The following PCDHA13 variants were observed in gnomAD, a reference collection of about 807,000 sequenced individuals.
PCDHA13 encodes protocadherin alpha 13.
In PCDHA13, 54 loss-of-function variants were observed where a neutral mutation model predicts 64.8. That is an observed-to-expected ratio of 0.83 (90% CI 0.67 to 1.04). PCDHA13 has a LOEUF of 1.04. Among genes scored for constraint, PCDHA13 ranks in the 50% least tolerant of loss-of-function variants. The pLI is 0.00. For missense variants in PCDHA13, 1,248 were observed against 1,254.3 expected (o/e 0.99, Z 0.08); for synonymous variants, 587 against 564.4 (o/e 1.04, Z -0.57).
At chr5:140,888,843 G>T (rs2153425504) in intron 1 of PCDHA13, among the ~76,000 whole-genome samples, 1 of 152,082 alleles carries the variant, frequency 6.6e-6, no homozygotes, top group East Asian at 1.9e-4. Context: ...ACTGCAGCCT[G>T]GTGACAGAGT....
Position 140,883,630 on chromosome 5 carries a change from G to T in PCDHA13, c.1362G>T (p.Ala454=), listed in dbSNP as rs1424400219. ...CCGACGTGAACGACAACGCGCCGGCGTTCGCGCAGCCCGAGTACACGGTGT... is the reference window on the plus strand; with the variant it reads ...CCGACGTGAACGACAACGCGCCGGCTTTCGCGCAGCCCGAGTACACGGTGT... ...GVADVNDNAP[A]FAQPEYTVFV... The change falls in exon 1 of 4, where the codon GCG becomes GCT. Residue 454 remains alanine, a synonymous_variant. Transcript: ENST00000289272. The T allele has an allele frequency of 5.0e-6, 8 of 1,613,966 alleles. No homozygotes were observed. The highest frequency in any genetic ancestry group is 6.8e-6 in the Non-Finnish European group (8 of 1,179,900).
At chr5:140,993,434 AT>A (rs1243337816) in intron 3 of PCDHA13, among the ~76,000 whole-genome samples, 2 of 150,146 alleles carry the variant, frequency 1.3e-5, no homozygotes, top group Non-Finnish European at 3.0e-5. Flanking sequence ...TAAAATCCTT[AT>A]TCATTCCTGT....
At chr5:140,929,492 G>A in intron 1 of PCDHA13, 1 of 1,062,164 alleles carries the variant, frequency 9.4e-7, no homozygotes, top group Non-Finnish European at 1.3e-6. Context: ...AGTATTAGAA[G>A]ATTGCCCTAG....
At position 141,009,692 on chromosome 5, in the gene PCDHA13, A is replaced by G. The variant is rs2098413739; in HGVS notation, c.2608A>G (p.Lys870Glu). The G allele has an allele frequency of 6.2e-7, 1 of 1,613,856 alleles. No homozygotes were observed. Among genetic ancestry groups the G allele is most frequent in the African/African-American group, 1.3e-5 (1 of 74,858 alleles). The stretch of plus-strand genomic sequence containing the variant: ...TGTCAACAGCAACAGCTGGACCTTT[A>G]AATACGGACCAGGCAACCCCAAACA... The part of the protein sequence containing the change: ...AGVNSNSWTF[K>E]YGPGNPKQSG... Residue 870 changes from lysine to glutamate, a missense_variant, in exon 4 of 4, where the codon AAA (lysine) becomes GAA (glutamate). Physicochemically the swap from Lys to Glu is moderately conservative, Grantham distance 56. Transcript: ENST00000289272.
At chr5:141,001,261 CTT>C (rs1437571267) in intron 3 of PCDHA13, among the ~76,000 whole-genome samples, 1 of 152,062 alleles carries the variant, frequency 6.6e-6, no homozygotes, top group East Asian at 1.9e-4. Flanking sequence ...GGCGGGCACT[CTT>C]ATGAACTTTT....
chr5:140,924,785 C>G (rs2082005933), intron 1 of PCDHA13, among the ~76,000 whole-genome samples: 1 of 151,704 alleles, frequency 6.6e-6, no homozygotes, highest in African/African-American at 2.4e-5. Context: ...GTCCTAGCTA[C>G]TTAGGAGGCT....
At chr5:140,999,605 G>T (rs1587843541) in intron 3 of PCDHA13, among the ~76,000 whole-genome samples, 2 of 152,132 alleles carry the variant, frequency 1.3e-5, no homozygotes, top group Admixed American at 1.3e-4. Context: ...CATCCTGGGG[G>T]ACCTTATCAA....
chr5:140,968,094 A>G, intron 1 of PCDHA13: 1 of 1,614,138 alleles, frequency 6.2e-7, no homozygotes. Flanking sequence ...ACAGCCACAG[A>G]TGGGGGAATA....
rs376046205 is a variant in PCDHA13 at position 140,882,874 on chromosome 5, A to G, written c.606A>G (p.Arg202=). The G allele has an allele frequency of 1.9e-6, 3 of 1,614,108 alleles. No homozygotes were observed. Among genetic ancestry groups the G allele is most frequent in the Non-Finnish European group, 2.5e-6 (3 of 1,180,050 alleles). ...LSLVLRKTLD[R]EEIQEHSLLL... ...TTGTACTGAGGAAAACACTGGACAG[A>G]GAGGAAATTCAGGAACATAGTTTAT... is the stretch of plus-strand genomic sequence containing the variant. Residue 202 remains arginine, a synonymous_variant, in exon 1 of 4, where the codon AGA becomes AGG. Transcript: ENST00000289272.
chr5:140,889,400 A>T (rs187751360), intron 1 of PCDHA13, among the ~76,000 whole-genome samples: 1 of 152,050 alleles, frequency 6.6e-6, no homozygotes, highest in Admixed American at 6.5e-5. Context: ...AGTTTAATTT[A>T]CTCGAGTCAG....
chr5:140,915,960 G>A (rs1554197207), intron 1 of PCDHA13, among the ~76,000 whole-genome samples: 1 of 152,112 alleles, frequency 6.6e-6, no homozygotes, highest in Admixed American at 6.5e-5. Flanking sequence ...TTAGAAATTT[G>A]CCTGATATTT....
chr5:140,924,597 G>A lies in PCDHA13; in HGVS notation c.2394+39935G>A, dbSNP rs1278228526. ...ATGTTTTCAAATATTATAGAAATATGCAGGCTGATGCCAGGTGCGGTGGCA... is the reference window on the plus strand; with the variant it reads ...ATGTTTTCAAATATTATAGAAATATACAGGCTGATGCCAGGTGCGGTGGCA... On this transcript the variant is annotated intron_variant, in intron 1 of 3. Coordinates refer to ENST00000289272, the MANE Select transcript of PCDHA13 (RefSeq NM_018904.3). Among the ~76,000 whole-genome samples the A allele has an allele frequency of 2.6e-5, 4 of 152,078 alleles. No homozygotes were observed. The East Asian group carries it at 7.7e-4, about 29-fold the overall frequency.
At chr5:141,005,809 C>T (rs1554260384) in intron 3 of PCDHA13, among the ~76,000 whole-genome samples, 1 of 150,480 alleles carries the variant, frequency 6.6e-6, no homozygotes, top group Admixed American at 6.6e-5. Flanking sequence ...TCCAAGGAGC[C>T]AGGTATGGTG....
chr5:141,004,871 C>T (rs2098186149), intron 3 of PCDHA13, among the ~76,000 whole-genome samples: 2 of 152,126 alleles, frequency 1.3e-5, no homozygotes, highest in South Asian at 4.1e-4. Context: ...TGTTTCTCAT[C>T]CCTAAAGTGC....
rs1269379462 is a variant in PCDHA13, at chr5:141,005,696, C to T, written c.2543-3931C>T. 3.0e-4 allele frequency among the ~76,000 whole-genome samples: 31 copies of T among 105,030 alleles called. No individual in the cohort carries two copies. In the East Asian group the frequency reaches 8.2e-3, roughly 28 times the overall value. 68.9% of individuals were successfully genotyped at this position (105,030 alleles called of 152,430 possible). ...CAGCCTGGGCGACAGAGCGAAACTC[C>T]GTCTCAAAAAAAAAAAAAAAAAAAA... is the stretch of plus-strand genomic sequence containing the variant. On this transcript the variant is annotated intron_variant, in intron 3 of 3. Transcript: ENST00000289272.
chr5:140,946,374 C>T (rs1371899868), intron 1 of PCDHA13, among the ~76,000 whole-genome samples: 5 of 151,656 alleles, frequency 3.3e-5, no homozygotes, highest in African/African-American at 9.7e-5. Flanking sequence ...CTCTTGCACA[C>T]GGTTGGTAGG....
chr5:140,971,799 TTA>T (rs1435483264), intron 1 of PCDHA13, among the ~76,000 whole-genome samples: 2 of 152,164 alleles, frequency 1.3e-5, no homozygotes, highest in East Asian at 3.8e-4. Flanking sequence ...ATATTGAATA[TTA>T]TAATATTGAA....
chr5:140,890,915 G>A (rs1169684735), intron 1 of PCDHA13, among the ~76,000 whole-genome samples: 4 of 152,116 alleles, frequency 2.6e-5, no homozygotes, highest in African/African-American at 9.7e-5. Flanking sequence ...AGAATAATTT[G>A]AGAGTTTCCT....
chr5:140,934,262 TAATC>T (rs1554209807), intron 1 of PCDHA13, among the ~76,000 whole-genome samples: 1 of 152,136 alleles, frequency 6.6e-6, no homozygotes, highest in Non-Finnish European at 1.5e-5. Flanking sequence ...AAATTAATAA[TAATC>T]AGTGCTTCAT....
Sources: allele counts gnomAD v4.1 joint callset (sites outside exome capture counted in the v4.1 genomes callset), GRCh38; gene constraint gnomAD v4.1.1; transcripts MANE v1.5; gene names NCBI Gene and HGNC (gene_info 2026-07-23, HGNC 2026-07-21).